The following CSMD3 variants were observed in gnomAD, a reference collection of about 807,000 sequenced individuals.
CSMD3 encodes the protein CUB and sushi domain-containing protein 3.
A neutral mutation model predicts 435.2 loss-of-function variants in CSMD3; 177 were observed. The observed-to-expected ratio is 0.41, with a 90% CI of 0.36 to 0.46. The LOEUF (loss-of-function observed/expected upper bound fraction) is 0.46. Ranked by LOEUF, CSMD3 falls within the 20% of genes least tolerant of loss-of-function variation. The probability of loss-of-function intolerance (pLI) is 0.34; values close to 1 mark genes in which losing one functional copy is unlikely to be tolerated. For missense variants in CSMD3, 4,265 were observed against 4,504.6 expected, an observed-to-expected ratio of 0.95 and a Z score of 1.52; for synonymous variants, 1,656 against 1,520.5, an observed-to-expected ratio of 1.09 and a Z score of -2.07.
intron 41 of CSMD3, among the ~76,000 whole-genome samples, chr8:112,343,005 A>G (rs1329992851): frequency 1.0e-5 from 1 of 96,038 alleles, no homozygotes; most frequent in African/African-American, 3.0e-5. Context: ...ATATATTTAT[A>G]TATATATATA....
intron 32 of CSMD3, among the ~76,000 whole-genome samples, chr8:112,454,703 A>T (rs1028449515): frequency 1.1e-4 from 16 of 152,106 alleles, no homozygotes; most frequent in African/African-American, 3.4e-4. Flanking sequence ...GAACTTAAAA[A>T]TACCTAGATA....
chr8:113,317,839 T>C (rs2093921299), intron 1 of CSMD3, among the ~76,000 whole-genome samples: 1 of 152,184 alleles, frequency 6.6e-6, no homozygotes, highest in South Asian at 2.1e-4. Flanking sequence ...CCTATTTTTC[T>C]GAATTGTTAT....
At chr8:113,238,062 A>C (rs1006400267) in intron 3 of CSMD3, among the ~76,000 whole-genome samples, 1 of 147,190 alleles carries the variant, frequency 6.8e-6, no homozygotes, top group Non-Finnish European at 1.5e-5. Flanking sequence ...GCAACAGAAC[A>C]AGACTCCATC....
chr8:112,930,520 T>C (rs1223946827), intron 9 of CSMD3, among the ~76,000 whole-genome samples: 3 of 152,056 alleles, frequency 2.0e-5, no homozygotes, highest in East Asian at 3.8e-4. Flanking sequence ...TATAGAGGCA[T>C]AGATGAACTG....
chr8:112,243,495 T>A (rs1381824471), intron 65 of CSMD3, among the ~76,000 whole-genome samples: 1 of 152,110 alleles, frequency 6.6e-6, no homozygotes. Flanking sequence ...CAGCAATCGG[T>A]GGACACTTCA....
At chr8:112,395,515 T>C (rs1008677994) in intron 35 of CSMD3, among the ~76,000 whole-genome samples, 2 of 152,138 alleles carry the variant, frequency 1.3e-5, no homozygotes, top group African/African-American at 4.8e-5. Flanking sequence ...GGTGTTGCCA[T>C]GGAGACTTTC....
intron 57 of CSMD3, among the ~76,000 whole-genome samples, chr8:112,288,275 C>T (rs1352921497): frequency 1.8e-4 from 7 of 38,820 alleles, no homozygotes; most frequent in Non-Finnish European, 3.0e-4. Flanking sequence ...GGGGTGGGGG[C>T]GGGGGGTGAG....
At chr8:112,580,538 GAA>G (rs5894089) in intron 23 of CSMD3, among the ~76,000 whole-genome samples, 35 of 143,024 alleles carry the variant, frequency 2.4e-4, no homozygotes, top group Admixed American at 5.6e-4. Context: ...AAAGAGGTAG[GAA>G]AAAAAAAAAA....
At position 112,405,227 on chromosome 8, in the gene CSMD3, A is replaced by G. The variant is rs1259478146; in HGVS notation, c.5809+1297T>C. Among the ~76,000 whole-genome samples the G allele has an allele frequency of 3.3e-4, 36 of 109,296 alleles. 3 individuals are homozygous for G. Among genetic ancestry groups the G allele is most frequent in the Non-Finnish European group, 5.1e-4 (29 of 56,808 alleles). 71.7% of individuals were successfully genotyped at this position (109,296 alleles called of 152,430 possible). ...AAAAAAAACCCCCATATATATATAT[A>G]TATATATATATATATATATACATAT... On this transcript the variant is annotated intron_variant, in intron 35 of 70. Transcript: ENST00000297405.
At chr8:113,247,926 C>T (rs557293985) in intron 3 of CSMD3, among the ~76,000 whole-genome samples, 3 of 152,074 alleles carry the variant, frequency 2.0e-5, no homozygotes, top group South Asian at 2.1e-4. Flanking sequence ...CTGGAGTTTT[C>T]GTGAGCTAGG....
intron 22 of CSMD3, among the ~76,000 whole-genome samples, chr8:112,604,851 C>A (rs925826765): frequency 6.6e-6 from 1 of 151,990 alleles, no homozygotes; most frequent in Non-Finnish European, 1.5e-5. Flanking sequence ...AACAGACAAC[C>A]GACAGAATAT....
At chr8:113,326,240 T>C (rs1349301091) in intron 1 of CSMD3, among the ~76,000 whole-genome samples, 1 of 152,150 alleles carries the variant, frequency 6.6e-6, no homozygotes, top group Non-Finnish European at 1.5e-5. Context: ...TCTGACAGTC[T>C]TTCTTTGAAC....
chr8:112,770,684 A>C (rs1185715668), intron 13 of CSMD3, among the ~76,000 whole-genome samples: 2 of 152,064 alleles, frequency 1.3e-5, no homozygotes, highest in South Asian at 2.1e-4. Flanking sequence ...TAAGGATCAT[A>C]ATGAAAACTA....
At chr8:113,405,974 A>G (rs2094531023) in intron 1 of CSMD3, among the ~76,000 whole-genome samples, 1 of 151,786 alleles carries the variant, frequency 6.6e-6, no homozygotes, top group South Asian at 2.1e-4. Flanking sequence ...GTCCCTTGGT[A>G]ATGTAACAAC....
intron 1 of CSMD3, among the ~76,000 whole-genome samples, chr8:113,332,265 C>A (rs1356348344): frequency 6.7e-6 from 1 of 149,380 alleles, no homozygotes; most frequent in Non-Finnish European, 1.5e-5. Context: ...TGGTGCCTAT[C>A]CAATTTGTCC....
intron 7 of CSMD3, among the ~76,000 whole-genome samples, chr8:112,959,692 T>A (rs558916142): frequency 8.1e-4 from 123 of 151,978 alleles, no homozygotes; most frequent in Non-Finnish European, 1.4e-3. Context: ...ACTAATAAAC[T>A]ATACTACTAA....
intron 13 of CSMD3, among the ~76,000 whole-genome samples, chr8:112,767,209 A>G (rs557828840): frequency 1.3e-5 from 2 of 152,000 alleles, no homozygotes; most frequent in East Asian, 3.9e-4. Context: ...TGAGTTTACA[A>G]AGATTTACAG....
At chr8:112,343,993 C>T (rs1388534474) in intron 41 of CSMD3, among the ~76,000 whole-genome samples, 2 of 152,158 alleles carry the variant, frequency 1.3e-5, no homozygotes, top group African/African-American at 2.4e-5. Flanking sequence ...AGCAATTCTG[C>T]TGCCTCAGCC....
chr8:112,809,574 T>C (rs950357666), intron 12 of CSMD3, among the ~76,000 whole-genome samples: 1 of 152,188 alleles, frequency 6.6e-6, no homozygotes, highest in African/African-American at 2.4e-5. Flanking sequence ...CCACATTTTA[T>C]TAAAAAAATG....
Sources: gnomAD v4.1 joint callset for allele counts (sites outside exome capture counted in the v4.1 genomes callset) on GRCh38, gnomAD v4.1.1 for gene constraint, MANE v1.5 for transcripts, NCBI Gene and HGNC (gene_info 2026-07-23, HGNC 2026-07-21) for gene names.